C9orf153: variants seen among roughly 807,000 people sequenced by gnomAD.
C9orf153 encodes the protein uncharacterized protein C9orf153.
C9orf153 carries 10 observed loss-of-function variants against 9.0 expected under a neutral mutation model. The observed-to-expected ratio is 1.11, with a 90% CI of 0.69 to 1.89. C9orf153 has a LOEUF of 1.89. C9orf153 is among the 40% of genes most tolerant of loss of function. The pLI, the probability that C9orf153 is intolerant of heterozygous loss-of-function variation, is 0.00. For missense variants in C9orf153, 108 were observed against 111.0 expected, an observed-to-expected ratio of 0.97 and a Z score of 0.12; for synonymous variants, 35 against 37.3, an observed-to-expected ratio of 0.94 and a Z score of 0.23.
intron 1 of C9orf153, among the ~76,000 whole-genome samples, chr9:86,238,476 G>C (rs1824654114): frequency 6.6e-6 from 1 of 152,186 alleles, no homozygotes; most frequent in African/African-American, 2.4e-5. Context: ...GCCAATAACA[G>C]AAAGCTGGAA....
At chr9:86,253,090 T>C (rs1825031005) in intron 1 of C9orf153, among the ~76,000 whole-genome samples, 1 of 152,176 alleles carries the variant, frequency 6.6e-6, no homozygotes, top group African/African-American at 2.4e-5. Context: ...ATTTGGAAAC[T>C]ATTTGTGAGT....
At chr9:86,225,977 A>C (rs192519816) in intron 3 of C9orf153, among the ~76,000 whole-genome samples, 74 of 152,332 alleles carry the variant, frequency 4.9e-4, no homozygotes, top group African/African-American at 1.8e-3. Flanking sequence ...TACATGTGAA[A>C]GTCATAAATG....
chr9:86,230,662 C>G (rs1428124833), intron 1 of C9orf153, among the ~76,000 whole-genome samples: 1 of 152,104 alleles, frequency 6.6e-6, no homozygotes, highest in Non-Finnish European at 1.5e-5. Flanking sequence ...TAAAGAAAAA[C>G]TCACCCACCT....
Position 86,227,879 on chromosome 9 carries a change from C to T in C9orf153, c.218G>A (p.Arg73Lys). ...CCTGATAACAGGTTGGAGATCTCCT[C>T]TCACATCAGCGCCCCTGGTGAATGA... is the stretch of plus-strand genomic sequence containing the variant. ...VMSFTRGADV[R>K]GDLQPVIRKT... Residue 73 changes from arginine to lysine, a missense_variant, in exon 3 of 4, where the codon AGA becomes AAA. By Grantham distance (26) the Arg-to-Lys change is conservative. Coordinates refer to ENST00000339137, the MANE Select transcript of C9orf153 (RefSeq NM_001276366.4). 3.7e-6 allele frequency: 6 copies of T among 1,612,826 alleles called. No homozygotes were observed. The highest frequency in any genetic ancestry group is 5.1e-6 in the Non-Finnish European group (6 of 1,179,560).
intron 1 of C9orf153, among the ~76,000 whole-genome samples, chr9:86,230,901 C>G (rs1415260153): frequency 6.6e-6 from 1 of 152,192 alleles, no homozygotes; most frequent in Non-Finnish European, 1.5e-5. Flanking sequence ...CCACATTTTA[C>G]TGGGCTGGCC....
At chr9:86,253,778 A>G (rs1019004828) in intron 1 of C9orf153, among the ~76,000 whole-genome samples, 2 of 152,192 alleles carry the variant, frequency 1.3e-5, no homozygotes, top group African/African-American at 4.8e-5. Context: ...ACTTTATGCA[A>G]TAAGTCAGCA....
intron 3 of C9orf153, among the ~76,000 whole-genome samples, chr9:86,223,495 C>T (rs1437101497): frequency 6.6e-6 from 1 of 151,986 alleles, no homozygotes; most frequent in Admixed American, 6.6e-5. Flanking sequence ...AGAAGCTTCA[C>T]GTCATGATCT....
intron 3 of C9orf153, 169 bp downstream of exon 3, chr9:86,227,686 G>A (rs993361128): frequency 2.3e-5 from 23 of 985,220 alleles, no homozygotes; most frequent in Middle Eastern, 5.2e-4. Flanking sequence ...TCGAGTGATC[G>A]GTGAGAATTT....
chr9:86,225,165 T>C (rs1042429141), intron 3 of C9orf153, among the ~76,000 whole-genome samples: 1 of 152,046 alleles, frequency 6.6e-6, no homozygotes. Flanking sequence ...CCAGTAGGAA[T>C]ATGTTCTTTA....
At chr9:86,222,909 A>G (rs1276502034) in intron 3 of C9orf153, among the ~76,000 whole-genome samples, 1 of 152,152 alleles carries the variant, frequency 6.6e-6, no homozygotes, top group Non-Finnish European at 1.5e-5. Flanking sequence ...CTCCACTCCA[A>G]TCAGTCCTCC....
At chr9:86,233,690 TACAGG>T (rs149983099) in intron 1 of C9orf153, among the ~76,000 whole-genome samples, 9,472 of 152,182 alleles carry the variant, frequency 0.062, 1,021 homozygotes, top group African/African-American at 0.22. Context: ...GTGCTGGTAT[TACAGG>T]TGTGAGCCAC....
intron 1 of C9orf153, among the ~76,000 whole-genome samples, chr9:86,239,004 G>A (rs1364140974): frequency 6.6e-6 from 1 of 151,478 alleles, no homozygotes; most frequent in Non-Finnish European, 1.5e-5. Flanking sequence ...GCTCATGCCT[G>A]TAATCCCACC....
At chr9:86,225,800 T>C (rs1274809835) in intron 3 of C9orf153, among the ~76,000 whole-genome samples, 1 of 152,046 alleles carries the variant, frequency 6.6e-6, no homozygotes, top group African/African-American at 2.4e-5. Context: ...ATTTCTTGAA[T>C]AGACATGACA....
chr9:86,237,820 T>C (rs939116106), intron 1 of C9orf153, among the ~76,000 whole-genome samples: 4 of 152,160 alleles, frequency 2.6e-5, no homozygotes, highest in Admixed American at 6.5e-5. Flanking sequence ...GGCTCATGCC[T>C]GTAATCCCAG....
intron 1 of C9orf153, among the ~76,000 whole-genome samples, chr9:86,246,766 C>T (rs542067412): frequency 3.3e-5 from 5 of 152,188 alleles, no homozygotes; most frequent in Non-Finnish European, 7.3e-5. Flanking sequence ...ATGGCCGTCT[C>T]CAAGTGAATC....
chr9:86,242,772 G>A (rs1418669396), intron 1 of C9orf153, among the ~76,000 whole-genome samples: 2 of 152,080 alleles, frequency 1.3e-5, no homozygotes, highest in East Asian at 1.9e-4. Context: ...TCCACCTCCC[G>A]GGTTCAAGTG....
At chr9:86,234,899 T>G (rs1445078258) in intron 1 of C9orf153, among the ~76,000 whole-genome samples, 1 of 152,174 alleles carries the variant, frequency 6.6e-6, no homozygotes, top group Non-Finnish European at 1.5e-5. Context: ...GGACTTCTAG[T>G]GTGGCTTCTC....
intron 3 of C9orf153, chr9:86,227,329 T>C: frequency 6.8e-7 from 1 of 1,475,660 alleles, no homozygotes. Flanking sequence ...ATTTATTTAT[T>C]TATTTATTTA....
chr9:86,232,507 C>T (rs918407623), intron 1 of C9orf153, among the ~76,000 whole-genome samples: 7 of 152,010 alleles, frequency 4.6e-5, no homozygotes, highest in South Asian at 2.1e-4. Context: ...TTCTCTTCAT[C>T]GTTACTCCCA....
Sources: allele counts gnomAD v4.1 joint callset (sites outside exome capture counted in the v4.1 genomes callset), GRCh38; gene constraint gnomAD v4.1.1; transcripts MANE v1.5; gene names NCBI Gene and HGNC (gene_info 2026-07-23, HGNC 2026-07-21).